The following SEC11A variants were observed in gnomAD, a reference collection of about 807,000 sequenced individuals.
The protein encoded by SEC11A is signal peptidase complex catalytic subunit SEC11A.
A neutral mutation model predicts 25.6 loss-of-function variants in SEC11A; 14 were observed. The observed-to-expected ratio is 0.55, with a 90% CI of 0.36 to 0.85. The LOEUF is 0.85. SEC11A is among the 40% of genes least tolerant of loss of function. The probability of loss-of-function intolerance (pLI) is 0.01; values close to 1 mark genes in which losing one functional copy is unlikely to be tolerated. For missense variants in SEC11A, 153 were observed against 222.9 expected, an observed-to-expected ratio of 0.69 and a Z score of 2.00; for synonymous variants, 83 against 76.4, an observed-to-expected ratio of 1.09 and a Z score of -0.45.
chr15:84,703,522 T>A (rs1898009564), intron 1 of SEC11A, among the ~76,000 whole-genome samples: 1 of 152,186 alleles, frequency 6.6e-6, no homozygotes, highest in Non-Finnish European at 1.5e-5. Context: ...TGGTTCAACA[T>A]AAACCCTCTA....
chr15:84,710,137 G>C (rs1370051810), intron 1 of SEC11A, among the ~76,000 whole-genome samples: 1 of 152,168 alleles, frequency 6.6e-6, no homozygotes, highest in Non-Finnish European at 1.5e-5. Context: ...AGTTGTTTTA[G>C]ATTATGTGAA....
intron 1 of SEC11A, among the ~76,000 whole-genome samples, chr15:84,708,080 AC>A (rs1451481976): frequency 1.3e-5 from 2 of 151,824 alleles, no homozygotes; most frequent in Non-Finnish European, 2.9e-5. Flanking sequence ...GCGTGGTGGC[AC>A]ACGCCTGTAA....
chr15:84,716,129 G>C lies in SEC11A; in HGVS notation c.-54C>G. On this transcript the variant is annotated 5_prime_UTR_variant, in exon 1 of 6. Coordinates refer to ENST00000268220, the MANE Select transcript of SEC11A (RefSeq NM_014300.4). ...GGGGAAAGGGCGCGATGACCAGCGGGCGGAACTACTGGAGCTCGGGTCGGG... is the reference window on the plus strand; with the variant it reads ...GGGGAAAGGGCGCGATGACCAGCGGCCGGAACTACTGGAGCTCGGGTCGGG... 1.3e-6 allele frequency: 2 copies of C among 1,559,760 alleles called. No homozygotes were observed. Among genetic ancestry groups the C allele is most frequent in the Middle Eastern group, 1.8e-4 (1 of 5,492 alleles).
Position 84,716,045 on chromosome 15 carries a change from G to A in SEC11A, c.31C>T (p.Arg11Trp), listed in dbSNP as rs529905192. The A allele has an allele frequency of 1.2e-6, 2 of 1,613,476 alleles. No homozygotes were observed. Among genetic ancestry groups the A allele is most frequent in the African/African-American group, 2.7e-5 (2 of 74,928 alleles). The change falls in exon 1 of 6, where the codon CGG (arginine) becomes TGG (tryptophan). Residue 11 changes from arginine to tryptophan, a missense_variant. Transcript: ENST00000268220. ...CTCACCTGCCGCTTGTTCATCCGCCGCACATCGTCCAAAAAGTCTAGAGAC... is the reference window on the plus strand; with the variant it reads ...CTCACCTGCCGCTTGTTCATCCGCCACACATCGTCCAAAAAGTCTAGAGAC... MLSLDFLDDV[R>W]RMNKRQLYYQ...
intron 1 of SEC11A, among the ~76,000 whole-genome samples, chr15:84,695,458 C>T (rs1232053408): frequency 2.7e-5 from 4 of 150,214 alleles, no homozygotes; most frequent in Admixed American, 2.0e-4. Context: ...GGCGAAACTC[C>T]GTCTCAAAAA....
chr15:84,715,892 A>T, intron 1 of SEC11A, 133 bp downstream of exon 1: 1 of 828,680 alleles, frequency 1.2e-6, no homozygotes, highest in Non-Finnish European at 2.0e-6. Flanking sequence ...CACAGTCTCC[A>T]AAGAAAGCGA....
At chr15:84,699,882 T>C (rs1897878233) in intron 1 of SEC11A, among the ~76,000 whole-genome samples, 1 of 151,830 alleles carries the variant, frequency 6.6e-6, no homozygotes, top group African/African-American at 2.4e-5. Flanking sequence ...AAAACAACCA[T>C]CTAAAAGCAG....
chr15:84,710,846 G>C (rs1898239528), intron 1 of SEC11A, among the ~76,000 whole-genome samples: 1 of 151,924 alleles, frequency 6.6e-6, no homozygotes, highest in Admixed American at 6.6e-5. Context: ...GGCCGAGGTG[G>C]GCAGATCACG....
rs183493740 is a variant in SEC11A at position 84,671,690 on chromosome 15, A to G, written c.432-908T>C. 28 of 152,386 alleles carry G rather than the reference A, an allele frequency of 1.8e-4. No homozygotes were observed. In the East Asian group the frequency reaches 4.6e-3, roughly 25 times the overall value. The allele number at this position is 152,386 out of a possible 1,614,324, so 9.4% of individuals were successfully genotyped here. ...AACTAGAAGCTCTATAAAGGCAACA[A>G]TGATGCCTATCTTGTTCCCCCTGTA... is the stretch of plus-strand genomic sequence containing the variant. On this transcript the variant is annotated intron_variant, in intron 4 of 5. Transcript: ENST00000268220.
chr15:84,700,982 AT>A (rs1897920380), intron 1 of SEC11A, among the ~76,000 whole-genome samples: 1 of 77,400 alleles, frequency 1.3e-5, no homozygotes, highest in Non-Finnish European at 2.6e-5. Context: ...GAAACTCCAT[AT>A]CAAAAAAAAA....
intron 1 of SEC11A, among the ~76,000 whole-genome samples, chr15:84,711,783 A>C (rs1898278154): frequency 3.9e-4 from 2 of 5,080 alleles, no homozygotes; most frequent in East Asian, 0.033. Context: ...CTCTATCTCA[A>C]AAAAAAAAAA....
In SEC11A at chr15:84,699,884, TA is replaced by T. The variant is rs1386532791; in HGVS notation, c.52-8241del. Reference sequence around the variant, plus strand: ...TCCTGAGGATGGAAAAACAACCATCTAAAAGCAGCGGATGGAACAATTCTCA... The same window carrying T: ...TCCTGAGGATGGAAAAACAACCATCTAAAGCAGCGGATGGAACAATTCTCA... On this transcript the variant is annotated intron_variant, in intron 1 of 5. Coordinates refer to ENST00000268220, the MANE Select transcript of SEC11A (RefSeq NM_014300.4). Among the ~76,000 whole-genome samples the T allele has an allele frequency of 4.2e-4, 64 of 151,986 alleles. 1 individual carries two copies. The highest frequency in any genetic ancestry group is 4.1e-3 in the Admixed American group (63 of 15,278).
chr15:84,709,577 G>A (rs1030535600), intron 1 of SEC11A, among the ~76,000 whole-genome samples: 7 of 151,914 alleles, frequency 4.6e-5, no homozygotes, highest in East Asian at 1.9e-4. Flanking sequence ...CAAGTAGCTG[G>A]GATTACAGGT....
At chr15:84,685,595 A>G (rs1897396775) in intron 3 of SEC11A, among the ~76,000 whole-genome samples, 1 of 151,796 alleles carries the variant, frequency 6.6e-6, no homozygotes, top group African/African-American at 2.4e-5. Context: ...ATTTCAAAGG[A>G]TCACAAATTA....
chr15:84,670,342 T>C (rs1019319275), intron 5 of SEC11A: 12 of 300,150 alleles, frequency 4.0e-5, no homozygotes, highest in African/African-American at 2.7e-4. Flanking sequence ...ATTCAAGCAA[T>C]TCTCGTGCCT....
intron 4 of SEC11A, chr15:84,671,054 T>C (rs1896971336): frequency 3.7e-6 from 1 of 267,142 alleles, no homozygotes; most frequent in Admixed American, 5.5e-5. Flanking sequence ...AGGTCTTAGA[T>C]CTCCAGGTGG....
chr15:84,672,875 C>T (rs979579545), intron 4 of SEC11A: 3 of 206,702 alleles, frequency 1.5e-5, no homozygotes, highest in Non-Finnish European at 3.0e-5. Flanking sequence ...TCTGCCCCGC[C>T]GCCCCGTCTG....
intron 1 of SEC11A, among the ~76,000 whole-genome samples, chr15:84,695,233 C>A (rs979615595): frequency 6.6e-6 from 1 of 150,480 alleles, no homozygotes; most frequent in Non-Finnish European, 1.5e-5. Context: ...GAGGCCAAGG[C>A]GAGCAGATCA....
intron 1 of SEC11A, among the ~76,000 whole-genome samples, chr15:84,715,499 G>A (rs981903818): frequency 6.6e-6 from 1 of 152,154 alleles, no homozygotes; most frequent in African/African-American, 2.4e-5. Context: ...GTTCCAACTC[G>A]GAGCCCAGAG....
Sources: allele counts gnomAD v4.1 joint callset (sites outside exome capture counted in the v4.1 genomes callset), GRCh38; gene constraint gnomAD v4.1.1; transcripts MANE v1.5; gene names NCBI Gene and HGNC (gene_info 2026-07-23, HGNC 2026-07-21).